The following BCAS3 variants were observed in gnomAD, a reference collection of about 807,000 sequenced individuals.
BCAS3 encodes the protein BCAS4/BCAS3 fusion.
A neutral mutation model predicts 116.1 loss-of-function variants in BCAS3; 53 were observed. The observed-to-expected ratio is 0.46, with a 90% confidence interval of 0.37 to 0.57. The LOEUF (loss-of-function observed/expected upper bound fraction) is 0.57, where lower values mean the gene tolerates loss of function less well. Among genes scored for constraint, BCAS3 ranks in the 20% least tolerant of loss-of-function variants. The pLI is 0.00. For synonymous variants in BCAS3, 391 were observed against 408.2 expected (o/e 0.96, Z 0.51); for missense variants, 917 against 1,165.4 (o/e 0.79, Z 3.10).
At chr17:60,945,030 T>C (rs1356755001) in intron 13 of BCAS3, among the ~76,000 whole-genome samples, 1 of 152,104 alleles carries the variant, frequency 6.6e-6, no homozygotes, top group Non-Finnish European at 1.5e-5. Context: ...CTGTGATTGT[T>C]CCTAAACTAC....
Position 61,343,611 on chromosome 17 carries a change from T to C in BCAS3, c.2426-24716T>C, listed in dbSNP as rs1294816982. 2.0e-5 allele frequency among the ~76,000 whole-genome samples: 3 copies of C among 152,202 alleles called. No individual in the cohort carries two copies. Among genetic ancestry groups the C allele is most frequent in the Non-Finnish European group, 4.4e-5 (3 of 68,034 alleles). On this transcript the variant is annotated intron_variant, in intron 22 of 23. Coordinates refer to ENST00000407086, the MANE Select transcript of BCAS3 (RefSeq NM_017679.5). This position sits in a 1 kb window ranked among gnomAD's most constrained non-coding sequence, Gnocchi z 5.5. ...GGTTGAGGAAGCGTATGCAGAGGTTTGAGCCAAACAACTGGATGGCAAGGC... is the reference window on the plus strand; with the variant it reads ...GGTTGAGGAAGCGTATGCAGAGGTTCGAGCCAAACAACTGGATGGCAAGGC...
intron 6 of BCAS3, among the ~76,000 whole-genome samples, chr17:60,763,413 C>T (rs9674643): frequency 0.27 from 41,747 of 152,082 alleles, 11,447 homozygotes; most frequent in African/African-American, 0.71. Flanking sequence ...GAAGTGCTGT[C>T]GAATTTTGTC....
intron 6 of BCAS3, among the ~76,000 whole-genome samples, chr17:60,780,325 C>A (rs1180918033): frequency 6.7e-6 from 1 of 148,516 alleles, no homozygotes; most frequent in Non-Finnish European, 1.5e-5. Context: ...GAGACAGTGT[C>A]ACCCTGTTGC....
intron 2 of BCAS3, among the ~76,000 whole-genome samples, chr17:60,681,124 C>T (rs921355288): frequency 2.6e-5 from 4 of 152,064 alleles, no homozygotes; most frequent in African/African-American, 9.7e-5. Flanking sequence ...AGGATCACCT[C>T]GGCCCAGGAG....
chr17:60,692,733 CA>C (rs112569544), intron 4 of BCAS3, among the ~76,000 whole-genome samples: 2,049 of 121,654 alleles, frequency 0.017, 79 homozygotes, highest in African/African-American at 0.051. Context: ...GACTCCATCT[CA>C]AAAAAAAAAA....
intron 14 of BCAS3, among the ~76,000 whole-genome samples, chr17:60,987,777 C>T (rs747738084): frequency 2.0e-4 from 30 of 152,034 alleles, no homozygotes; most frequent in Admixed American, 2.0e-3. Flanking sequence ...GATCTGCAAA[C>T]GAGGCTCATT....
At chr17:61,322,911 A>G (rs1005271590) in intron 22 of BCAS3, among the ~76,000 whole-genome samples, 1 of 150,738 alleles carries the variant, frequency 6.6e-6, no homozygotes, top group Non-Finnish European at 1.5e-5. Context: ...AGACAGGGGC[A>G]AATCGTCATG....
At chr17:61,306,690 C>T (rs759630475) in intron 22 of BCAS3, among the ~76,000 whole-genome samples, 1 of 152,064 alleles carries the variant, frequency 6.6e-6, no homozygotes, top group African/African-American at 2.4e-5. Flanking sequence ...GCAGGAGGAT[C>T]GCTTGAGCCC....
chr17:61,147,879 G>A (rs546403280), intron 22 of BCAS3, among the ~76,000 whole-genome samples: 24 of 152,110 alleles, frequency 1.6e-4, no homozygotes, highest in African/African-American at 5.8e-4. Context: ...CCAGCTACTC[G>A]GGAGGCTGAG....
rs1178153627 is a variant in BCAS3 at position 61,241,002 on chromosome 17, C to T, written c.2426-127325C>T. On this transcript the variant is annotated intron_variant, in intron 22 of 23. Transcript: ENST00000407086. This position sits in a 1 kb window ranked among gnomAD's most constrained non-coding sequence, Gnocchi z 4.6. ...ACTGGGGAGCTTTCTCTTGTTTGGGCATGACAGGATTTTTGCCATGAGAAA... is the reference window on the plus strand; with the variant it reads ...ACTGGGGAGCTTTCTCTTGTTTGGGTATGACAGGATTTTTGCCATGAGAAA... Among the ~76,000 whole-genome samples the T allele has an allele frequency of 6.6e-6, 1 of 152,170 alleles. No homozygotes were observed. Among genetic ancestry groups the T allele is most frequent in the East Asian group, 1.9e-4 (1 of 5,198 alleles).
chr17:61,341,722 C>T (rs971061194), intron 22 of BCAS3, among the ~76,000 whole-genome samples: 9 of 152,198 alleles, frequency 5.9e-5, no homozygotes, highest in African/African-American at 1.7e-4. Flanking sequence ...GTTGTTATCA[C>T]GCTGCTTCCA....
At chr17:61,274,914 A>C (rs896938123) in intron 22 of BCAS3, among the ~76,000 whole-genome samples, 1 of 152,242 alleles carries the variant, frequency 6.6e-6, no homozygotes, top group African/African-American at 2.4e-5. Context: ...GCTGGAGTGC[A>C]GTAGTGCAAA....
chr17:60,745,790 T>G (rs1449990900), intron 5 of BCAS3, among the ~76,000 whole-genome samples: 1 of 152,114 alleles, frequency 6.6e-6, no homozygotes, highest in Non-Finnish European at 1.5e-5. Flanking sequence ...TACAGAAGGA[T>G]TTCTTGCTAA....
At chr17:60,975,583 G>T (rs934691961) in intron 14 of BCAS3, among the ~76,000 whole-genome samples, 2 of 152,124 alleles carry the variant, frequency 1.3e-5, no homozygotes, top group Admixed American at 6.5e-5. Context: ...ATTTTATAAT[G>T]TACAATTCAG....
At chr17:61,236,433 C>T (rs1334381754) in intron 22 of BCAS3, among the ~76,000 whole-genome samples, 5 of 152,200 alleles carry the variant, frequency 3.3e-5, no homozygotes, top group Non-Finnish European at 7.3e-5. Context: ...AATTGTCCTG[C>T]CTCAGCCTCC....
intron 22 of BCAS3, among the ~76,000 whole-genome samples, chr17:61,164,912 T>C (rs1239958961): frequency 6.6e-6 from 1 of 152,244 alleles, no homozygotes; most frequent in East Asian, 1.9e-4. Flanking sequence ...TACTCCAGCA[T>C]GGTATTCATT....
At position 61,083,200 on chromosome 17, in the gene BCAS3, A is replaced by G. The variant is rs1378088044; in HGVS notation, c.2328-1267A>G. On this transcript the variant is annotated intron_variant, in intron 21 of 23. Transcript: ENST00000407086. The surrounding 1 kb of genome is among the most constrained non-coding windows in gnomAD (Gnocchi z 4.9). ...ACCTAATCCCTGTTCCAGCTCTGCA[A>G]GATCTCTAACTGATGTGGACCCTGC... Among the ~76,000 whole-genome samples the G allele has an allele frequency of 6.6e-6, 1 of 152,218 alleles. No individual in the cohort carries two copies. The highest frequency in any genetic ancestry group is 2.4e-5 in the African/African-American group (1 of 41,462).
At chr17:60,700,420 C>G (rs2036240310) in intron 4 of BCAS3, among the ~76,000 whole-genome samples, 4 of 152,062 alleles carry the variant, frequency 2.6e-5, no homozygotes, top group African/African-American at 9.7e-5. Flanking sequence ...AATAAGGGAC[C>G]CTGGAGGAAA....
At chr17:61,275,755 G>C (rs776904749) in intron 22 of BCAS3, among the ~76,000 whole-genome samples, 1 of 152,186 alleles carries the variant, frequency 6.6e-6, no homozygotes, top group Non-Finnish European at 1.5e-5. Flanking sequence ...AGGCTGGCCA[G>C]CACATCAGTG....
Sources: gnomAD v4.1 joint callset for allele counts (sites outside exome capture counted in the v4.1 genomes callset) on GRCh38, gnomAD v4.1.1 for gene constraint, Gnocchi (gnomAD v3.1) non-coding constraint, MANE v1.5 for transcripts, NCBI Gene and HGNC (gene_info 2026-07-23, HGNC 2026-07-21) for gene names.